GALK1: variants seen among roughly 807,000 people sequenced by gnomAD.
GALK1 encodes galactokinase 1, also known as galactokinase.
A neutral mutation model predicts 38.6 loss-of-function variants in GALK1; 30 were observed. That is an observed-to-expected ratio of 0.78 (90% confidence interval 0.58 to 1.05). The LOEUF (loss-of-function observed/expected upper bound fraction) is 1.05. GALK1 is among the 50% of genes least tolerant of loss of function. GALK1 has a pLI of 0.00. For synonymous variants in GALK1, 240 were observed against 233.6 expected (o/e 1.03, Z -0.25); for missense variants, 512 against 540.5 (o/e 0.95, Z 0.52).
intron 1 of GALK1, 71 bp downstream of exon 1, chr17:75,764,901 C>G: frequency 6.5e-7 from 1 of 1,531,120 alleles, no homozygotes; most frequent in Non-Finnish European, 8.9e-7. Flanking sequence ...CCCCAGCGTC[C>G]CCGAGGCCCG....
Position 75,762,925 on chromosome 17 carries a change from C to T in GALK1, c.612-40G>A, listed in dbSNP as rs376882148. The T allele has an allele frequency of 1.2e-4, 194 of 1,606,464 alleles. 2 individuals carry two copies. In the South Asian group the frequency reaches 1.8e-3, roughly 15 times the overall value. On this transcript the variant is annotated intron_variant, in intron 4 of 7. Transcript: ENST00000588479. ...CAATGGGGGAGATGACGAGGCCAAG[C>T]GTGTGCTTGCTGCGCCAGGCAGTGG...
chr17:75,762,011 ACT>A (rs1305785372), intron 5 of GALK1, among the ~76,000 whole-genome samples: 7 of 151,450 alleles, frequency 4.6e-5, no homozygotes, highest in Admixed American at 4.6e-4. Context: ...CAAGACCGAA[ACT>A]CTGTGTCCAA....
downstream of GALK1, chr17:75,756,715 A>G (rs750729078): frequency 9.3e-6 from 15 of 1,612,892 alleles, no homozygotes; most frequent in East Asian, 3.1e-4. Flanking sequence ...CTCCGCCTTC[A>G]CTTTGAGCAC....
At chr17:75,763,771 T>C in intron 2 of GALK1, 126 bp downstream of exon 2, 2 of 1,004,996 alleles carry the variant, frequency 2.0e-6, no homozygotes, top group Non-Finnish European at 3.0e-6. Flanking sequence ...TTTCCTCATC[T>C]GTACAATGGG....
intron 5 of GALK1, among the ~76,000 whole-genome samples, chr17:75,761,619 CA>C (rs1308592639): frequency 2.5e-4 from 12 of 48,734 alleles, no homozygotes; most frequent in African/African-American, 2.4e-4. Context: ...TCCACCTCAC[CA>C]AAAAAAAAAG....
downstream of GALK1, chr17:75,753,848 C>T (rs890011024): frequency 2.9e-6 from 4 of 1,402,996 alleles, no homozygotes; most frequent in Non-Finnish European, 3.7e-6. Flanking sequence ...GGAGCTCATC[C>T]CGCGCCTGTC....
rs1474376359 is a variant in GALK1, at chr17:75,763,015, T to TG, written c.609dup (p.Arg204GlnfsTer23). 1.2e-6 allele frequency: 2 copies of TG among 1,612,766 alleles called. No individual in the cohort carries two copies. Among genetic ancestry groups the TG allele is most frequent in the Non-Finnish European group, 1.7e-6 (2 of 1,180,004 alleles). The stretch of plus-strand genomic sequence containing the variant: ...GGGGACGAGGGGAGCGAGCCCAACC[T>TG]GCAGTCAATGAGCAGCGCGTGGCCT... On this transcript the variant is annotated frameshift_variant and splice_region_variant, in exon 4 of 8. Transcript: ENST00000588479. LOFTEE classifies it high-confidence loss of function.
chr17:75,757,455 G>A, downstream of GALK1: 2 of 1,612,690 alleles, frequency 1.2e-6, no homozygotes, highest in South Asian at 1.1e-5. Context: ...GAGGCAGGCG[G>A]CTCCCTCACC....
chr17:75,754,917 A>G, downstream of GALK1: 1 of 1,570,636 alleles, frequency 6.4e-7, no homozygotes, highest in African/African-American at 1.3e-5. Context: ...CCCATTCTCC[A>G]ACATACACAC....
intron 5 of GALK1, 127 bp from the exon 6 acceptor site, chr17:75,758,726 G>A (rs2061570136): frequency 1.8e-6 from 2 of 1,119,038 alleles, no homozygotes; most frequent in Admixed American, 2.1e-5. Context: ...CGCGGGGGCA[G>A]GGCAGCCTGG....
chr17:75,758,481 G>A lies in GALK1; in HGVS notation c.912C>T (p.Gly304=). The A allele has an allele frequency of 6.3e-7, 1 of 1,576,082 alleles. No individual in the cohort carries two copies. Among genetic ancestry groups the A allele is most frequent in the Non-Finnish European group, 8.6e-7 (1 of 1,163,300 alleles). ...ALRRGDYRAF[G]RLMVESHRSL... ...AGCGGTGGCTCTCCACCATGAGGCG[G>A]CCAAAGGCTCTGTAGTCGCCACGTC... Residue 304 remains glycine (G), a synonymous_variant, in exon 6 of 8, where the codon GGC becomes GGT. Transcript: ENST00000588479.
downstream of GALK1, chr17:75,756,735 C>G: frequency 6.2e-7 from 1 of 1,613,216 alleles, no homozygotes. Context: ...CTCCCAGTGC[C>G]CCAGGCCCGC....
downstream of GALK1, chr17:75,754,835 C>T (rs1599314533): frequency 6.2e-7 from 1 of 1,613,990 alleles, no homozygotes; most frequent in East Asian, 2.2e-5. Flanking sequence ...CTCAGCCAAC[C>T]CTGCCTCTCC....
intron 8 of GALK1, chr17:75,752,102 TG>T: frequency 6.6e-7 from 1 of 1,518,452 alleles, no homozygotes; most frequent in Non-Finnish European, 9.1e-7. Flanking sequence ...ACGGCCGTCC[TG>T]CTGTGTCAGG....
downstream of GALK1, chr17:75,754,771 C>G (rs1169863433): frequency 1.9e-5 from 31 of 1,612,518 alleles, no homozygotes; most frequent in Non-Finnish European, 2.6e-5. Flanking sequence ...CACTCGACCA[C>G]ACTGCCCAGG....
chr17:75,757,865 G>GCTAA (rs1339146686), downstream of GALK1: 103 of 708,068 alleles, frequency 1.5e-4, no homozygotes, highest in Non-Finnish European at 6.0e-5. Context: ...TGCTCCCCTA[G>GCTAA]GGTAGGGGAG....
intron 8 of GALK1, chr17:75,752,610 G>A (rs1489151621): frequency 1.9e-6 from 3 of 1,612,542 alleles, no homozygotes; most frequent in African/African-American, 2.7e-5. Flanking sequence ...CAAGAGGACA[G>A]TGGGGGTCTT....
chr17:75,754,473 C>A, downstream of GALK1: 1 of 1,469,466 alleles, frequency 6.8e-7, no homozygotes, highest in Non-Finnish European at 9.4e-7. Context: ...TAAGCAAAAG[C>A]CACCCAGAGG....
chr17:75,764,384 C>CAGATCACTGGAG (rs755375810), intron 1 of GALK1: 1 of 657,616 alleles, frequency 1.5e-6, no homozygotes, highest in Non-Finnish European at 2.9e-6. Context: ...AGCTCCAAAG[C>CAGATCACTGGAG]CTTTACATTT....
Sources: allele counts gnomAD v4.1 joint callset (sites outside exome capture counted in the v4.1 genomes callset), GRCh38; gene constraint gnomAD v4.1.1; transcripts MANE v1.5; gene names NCBI Gene and HGNC (gene_info 2026-07-23, HGNC 2026-07-21).